PPP4R3A: variants seen among roughly 807,000 people sequenced by gnomAD.
PPP4R3A encodes protein phosphatase 4 regulatory subunit 3A, also known as serine/threonine-protein phosphatase 4 regulatory subunit 3A.
PPP4R3A carries 15 observed loss-of-function variants against 91.7 expected under a neutral mutation model. That is an observed-to-expected ratio of 0.16 (90% CI 0.11 to 0.25). PPP4R3A has a LOEUF of 0.25. Among genes scored for constraint, PPP4R3A ranks in the 10% least tolerant of loss-of-function variants. PPP4R3A has a pLI of 1.00. For synonymous variants in PPP4R3A, 377 were observed against 348.7 expected, an observed-to-expected ratio of 1.08 and a Z score of -0.91; for missense variants, 623 against 998.4, an observed-to-expected ratio of 0.62 and a Z score of 5.07.
At position 91,509,660 on chromosome 14, in the gene PPP4R3A, G is replaced by T. The variant is rs1259542362; in HGVS notation, c.-13C>A. ...GGGTGTCGGTCATCGTGCCGCCCGG[G>T]AACCGGGGCGGGGGCCCCGCCAGTA... On this transcript the variant is annotated 5_prime_UTR_variant, in exon 1 of 15. Transcript: ENST00000554943. The T allele has an allele frequency of 6.3e-7, 1 of 1,589,264 alleles. No individual in the cohort carries two copies. Among genetic ancestry groups the T allele is most frequent in the Non-Finnish European group, 8.5e-7 (1 of 1,174,466 alleles).
At chr14:91,476,040 C>G in intron 6 of PPP4R3A, 74 bp from the exon 7 acceptor site, 2 of 1,390,420 alleles carry the variant, frequency 1.4e-6, no homozygotes, top group Non-Finnish European at 1.9e-6. Flanking sequence ...ATATCCAAAC[C>G]TAACAAAACA....
intron 10 of PPP4R3A, among the ~76,000 whole-genome samples, chr14:91,470,549 A>T (rs1379250348): frequency 6.6e-6 from 1 of 152,202 alleles, no homozygotes; most frequent in Non-Finnish European, 1.5e-5. Context: ...CCTCAGCTGT[A>T]GTCTGTCACC....
chr14:91,504,495 G>A (rs568090361), intron 1 of PPP4R3A, among the ~76,000 whole-genome samples: 4 of 151,926 alleles, frequency 2.6e-5, no homozygotes, highest in East Asian at 1.9e-4. Context: ...TCAGCTACTC[G>A]TAAGGCTGAG....
chr14:91,486,575 T>G lies in PPP4R3A; in HGVS notation c.199-845A>C, dbSNP rs185605509. On this transcript the variant is annotated intron_variant, in intron 2 of 14. Transcript: ENST00000554943. ...ACATACAATACTTACTGAGACCATT[T>G]TATATTCCTCATAGTACCAAGAGCA... is the stretch of plus-strand genomic sequence containing the variant. Among the ~76,000 whole-genome samples the G allele has an allele frequency of 4.6e-5, 7 of 152,358 alleles. No individual in the cohort carries two copies. In the South Asian group the frequency reaches 6.2e-4, roughly 14 times the overall value.
chr14:91,461,386 T>C lies in PPP4R3A; in HGVS notation c.2386A>G (p.Thr796Ala), dbSNP rs753530016. The change falls in exon 14 of 15, where the codon ACA becomes GCA. Residue 796 changes from threonine (T) to alanine (A), a missense_variant. Thr to Ala is a moderately conservative substitution (Grantham distance 58). Around this residue, in one of 5 missense-constraint regions of PPP4R3A, gnomAD observed 201 missense variants for 229.9 expected, o/e 0.87. Coordinates refer to ENST00000554943, the MANE Select transcript of PPP4R3A (RefSeq NM_001366432.2). ...AATGGGAGTCAAGAATGTACCTTTG[T>C]AGTAATAGCTGCCGTCTGAGATGTA... ...KNTSQTAAIT[T>A]KGGLVGLVDY... 8.1e-6 allele frequency: 13 copies of C among 1,604,886 alleles called. No individual in the cohort carries two copies. In the South Asian group the frequency reaches 1.1e-4, roughly 14 times the overall value.
chr14:91,488,533 T>C (rs1027779737), intron 2 of PPP4R3A, among the ~76,000 whole-genome samples: 17 of 152,110 alleles, frequency 1.1e-4, no homozygotes, highest in Non-Finnish European at 2.2e-4. Context: ...TGCCAAAAAT[T>C]GGTAAGGTTT....
intron 5 of PPP4R3A, 92 bp downstream of exon 5, chr14:91,476,817 G>A (rs571427062): frequency 3.1e-5 from 33 of 1,058,356 alleles, no homozygotes; most frequent in East Asian, 5.3e-5. Context: ...CACCCACCTC[G>A]GCCTCCCAAA....
intron 1 of PPP4R3A, among the ~76,000 whole-genome samples, chr14:91,508,213 A>G (rs1407143014): frequency 1.3e-5 from 2 of 152,236 alleles, no homozygotes; most frequent in African/African-American, 4.8e-5. Context: ...CCTCCAAAAG[A>G]AAATAATTTC....
chr14:91,463,906 C>T (rs1888314620), intron 11 of PPP4R3A, among the ~76,000 whole-genome samples: 1 of 152,206 alleles, frequency 6.6e-6, no homozygotes, highest in Non-Finnish European at 1.5e-5. Flanking sequence ...TCCCCACCTT[C>T]TCCTACTCTC....
At chr14:91,507,527 T>TATTATATATAG (rs1566660823) in intron 1 of PPP4R3A, among the ~76,000 whole-genome samples, 10 of 132,084 alleles carry the variant, frequency 7.6e-5, no homozygotes, top group African/African-American at 3.0e-4. Flanking sequence ...TATACTATAG[T>TATTATATATAG]TATATATACT....
At chr14:91,475,756 A>T (rs1889163189) in intron 7 of PPP4R3A, 55 bp downstream of exon 7, 1 of 1,490,740 alleles carries the variant, frequency 6.7e-7, no homozygotes, top group African/African-American at 1.4e-5. Context: ...GAATAATAAA[A>T]ACAGTTATAG....
chr14:91,465,324 C>T lies in PPP4R3A; in HGVS notation c.1756G>A (p.Ala586Thr), dbSNP rs781247545. ...KSFLFEPVVK[A>T]FLNNGSRYNL... ...TAGCGGGATCCATTGTTGAGAAATGCTTTCACTACTGGTTCAAACAAAAAA... is the reference window on the plus strand; with the variant it reads ...TAGCGGGATCCATTGTTGAGAAATGTTTTCACTACTGGTTCAAACAAAAAA... The change falls in exon 11 of 15, where the codon GCA (alanine) becomes ACA (threonine). Residue 586 changes from alanine (A) to threonine (T), a missense_variant. This residue lies in a region of PPP4R3A where 87 missense variants were observed against 233.9 expected (regional missense o/e 0.37). Transcript: ENST00000554943. The T allele has an allele frequency of 5.6e-6, 9 of 1,609,338 alleles. No homozygotes were observed. In the East Asian group the frequency reaches 1.6e-4, roughly 28 times the overall value.
chr14:91,476,065 A>C, intron 6 of PPP4R3A, 99 bp from the exon 7 acceptor site: 1 of 1,129,328 alleles, frequency 8.9e-7, no homozygotes, highest in Non-Finnish European at 1.2e-6. Flanking sequence ...AAAAAACTTC[A>C]ATGTAAAAGA....
chr14:91,480,916 T>C (rs976265333), intron 4 of PPP4R3A, among the ~76,000 whole-genome samples: 5 of 151,960 alleles, frequency 3.3e-5, no homozygotes. Context: ...GCATCTGTAG[T>C]CTTAGCTAAT....
intron 1 of PPP4R3A, among the ~76,000 whole-genome samples, chr14:91,507,404 T>G (rs866947960): frequency 0.2 from 14,522 of 71,770 alleles, 3,270 homozygotes; most frequent in Non-Finnish European, 0.25. Context: ...TGTACTATAA[T>G]TATATATACT....
At chr14:91,482,381 A>C (rs1232207357) in intron 3 of PPP4R3A, among the ~76,000 whole-genome samples, 188 bp from the exon 4 acceptor site, 1 of 152,240 alleles carries the variant, frequency 6.6e-6, no homozygotes, top group African/African-American at 2.4e-5. Context: ...GAAGTTAGTC[A>C]AAGTTCAAAA....
rs746086965 is a variant in PPP4R3A, at chr14:91,462,116, T to A, written c.2097A>T (p.Pro699=). The A allele has an allele frequency of 2.5e-5, 39 of 1,590,108 alleles. No homozygotes were observed. In the South Asian group the frequency reaches 4.3e-4, roughly 17 times the overall value. ...CATCATCATTTTTAGTTTTGTCAGA[T>A]GGAGACACTACAGCTTCTCCATCTT... ...DMEDGEAVVS[P]SDKTKNDDDI... is the part of the protein sequence containing the mutation. The change falls in exon 13 of 15, where the codon CCA becomes CCT. Residue 699 remains proline (P), a synonymous_variant. Transcript: ENST00000554943.
chr14:91,510,391 A>T (rs1204090261), upstream of PPP4R3A: 1 of 152,590 alleles, frequency 6.6e-6, no homozygotes, highest in Non-Finnish European at 1.5e-5. Context: ...CGGGAGCCTT[A>T]CTGCGGCGGA....
intron 1 of PPP4R3A, among the ~76,000 whole-genome samples, chr14:91,492,200 C>A (rs1460762369): frequency 6.6e-6 from 1 of 152,192 alleles, no homozygotes; most frequent in Admixed American, 6.5e-5. Flanking sequence ...CTCTTATCAA[C>A]CAGTTCTAGT....
Sources: gnomAD v4.1 joint callset for allele counts (sites outside exome capture counted in the v4.1 genomes callset) on GRCh38, gnomAD v4.1.1 for gene constraint, gnomAD v4.1.1 regional missense constraint, MANE v1.5 for transcripts, NCBI Gene and HGNC (gene_info 2026-07-23, HGNC 2026-07-21) for gene names.